The following LMBR1 variants were observed in gnomAD, a reference collection of about 807,000 sequenced individuals.
LMBR1 encodes the protein limb development membrane protein 1.
Under a neutral mutation model 73.9 loss-of-function variants are expected in LMBR1, and 52 were observed. The observed-to-expected ratio is 0.70, with a 90% CI of 0.56 to 0.89. The LOEUF is 0.89. Among genes scored for constraint, LMBR1 ranks in the 40% least tolerant of loss-of-function variants. The pLI is 0.00. For synonymous variants in LMBR1, 215 were observed against 209.4 expected (o/e 1.03, Z -0.23); for missense variants, 539 against 579.8 (o/e 0.93, Z 0.72).
At chr7:156,675,787 G>T (rs79950079), downstream of LMBR1, 16 of 1,613,948 alleles carry the variant, frequency 9.9e-6, no homozygotes, top group Middle Eastern at 4.9e-4. Flanking sequence ...GCCATAAATC[G>T]AAGTGTTCTT....
intron 9 of LMBR1, among the ~76,000 whole-genome samples, chr7:156,739,080 G>T (rs1388037619): frequency 6.6e-6 from 1 of 152,128 alleles, no homozygotes; most frequent in East Asian, 1.9e-4. Context: ...CCTGCCCTGG[G>T]ACAGAGGGGA....
At chr7:156,803,894 C>G (rs1216210647) in intron 4 of LMBR1, among the ~76,000 whole-genome samples, 1 of 147,570 alleles carries the variant, frequency 6.8e-6, no homozygotes, top group South Asian at 2.1e-4. Context: ...ATCGCAAGGA[C>G]AAAAAACCAA....
chr7:156,807,903 C>T (rs1350884239), intron 4 of LMBR1, among the ~76,000 whole-genome samples: 1 of 151,962 alleles, frequency 6.6e-6, no homozygotes, highest in Non-Finnish European at 1.5e-5. Context: ...TATCAATTAC[C>T]AAATACTCAG....
At chr7:156,699,613 C>G (rs1214746170) in intron 15 of LMBR1, among the ~76,000 whole-genome samples, 5 of 152,000 alleles carry the variant, frequency 3.3e-5, no homozygotes, top group South Asian at 2.1e-4. Context: ...TCAGAGTGAA[C>G]AGGCAACCTA....
intron 9 of LMBR1, among the ~76,000 whole-genome samples, chr7:156,756,006 T>C (rs1563286356): frequency 6.6e-6 from 1 of 152,242 alleles, no homozygotes; most frequent in Non-Finnish European, 1.5e-5. Flanking sequence ...ACTACTTAAG[T>C]AAAATTAAAG....
intron 15 of LMBR1, among the ~76,000 whole-genome samples, chr7:156,704,203 A>C (rs941436654): frequency 6.6e-6 from 1 of 152,208 alleles, no homozygotes; most frequent in Non-Finnish European, 1.5e-5. Flanking sequence ...AAGAACAGAC[A>C]TGCTTAGCCC....
At chr7:156,840,828 C>T (rs1194378822) in intron 1 of LMBR1, among the ~76,000 whole-genome samples, 15 of 150,394 alleles carry the variant, frequency 1.0e-4, no homozygotes, top group Non-Finnish European at 2.2e-4. Context: ...AGCCGGGCGT[C>T]GTGGCGGGCG....
chr7:156,787,126 T>G (rs983183151), intron 5 of LMBR1, among the ~76,000 whole-genome samples: 1 of 152,162 alleles, frequency 6.6e-6, no homozygotes, highest in African/African-American at 2.4e-5. Flanking sequence ...GGTGTGCGCA[T>G]GCTTTAAAAT....
At chr7:156,794,848 T>TG in intron 5 of LMBR1, among the ~76,000 whole-genome samples, 1 of 152,258 alleles carries the variant, frequency 6.6e-6, no homozygotes, top group East Asian at 1.9e-4. Context: ...CTGCACTGTG[T>TG]GGGGCATGTA....
chr7:156,733,120 G>A (rs568087919), intron 10 of LMBR1, among the ~76,000 whole-genome samples: 2 of 152,248 alleles, frequency 1.3e-5, no homozygotes, highest in East Asian at 3.9e-4. Context: ...ACTCTAGCCT[G>A]GGCGACAGAG....
chr7:156,684,584 G>A (rs893365651), intron 16 of LMBR1, among the ~76,000 whole-genome samples: 1 of 152,178 alleles, frequency 6.6e-6, no homozygotes, highest in African/African-American at 2.4e-5. Context: ...ACCTCTTCCT[G>A]GCAAGCAGAT....
rs1815622468 is a variant in LMBR1, at chr7:156,725,809, G to A, written c.1022C>T (p.Ser341Phe). The change falls in exon 13 of 17, where the codon TCT becomes TTT. Residue 341 changes from serine (S) to phenylalanine (F), a missense_variant. Physicochemically the swap from Ser to Phe is radical, Grantham distance 155. Transcript: ENST00000353442. ...CGCAGCTCCCACAAAACCAAACGTA[G>A]AAAGAGAGGCATTTCCTATTCCAGG... ...RGPGIGNASL[S>F]TFGFVGAALE... 6.2e-7 allele frequency: 1 copy of A among 1,613,520 alleles called. No homozygotes were observed. The highest frequency in any genetic ancestry group is 2.2e-5 in the East Asian group (1 of 44,860).
At chr7:156,877,788 CAGG>C (rs1420110675) in intron 1 of LMBR1, among the ~76,000 whole-genome samples, 1 of 151,274 alleles carries the variant, frequency 6.6e-6, no homozygotes, top group Non-Finnish European at 1.5e-5. Context: ...GAGGCTGAAG[CAGG>C]AGAATGGCGT....
At chr7:156,882,948 T>C (rs892797680) in intron 1 of LMBR1, among the ~76,000 whole-genome samples, 2 of 152,070 alleles carry the variant, frequency 1.3e-5, no homozygotes, top group Non-Finnish European at 2.9e-5. Context: ...GGAGAATCAC[T>C]TGAACCCGGG....
At chr7:156,701,534 G>T (rs1268527180) in intron 15 of LMBR1, among the ~76,000 whole-genome samples, 1 of 152,186 alleles carries the variant, frequency 6.6e-6, no homozygotes, top group Non-Finnish European at 1.5e-5. Context: ...GTATGAGAAT[G>T]GCCAAAATCC....
At chr7:156,871,686 A>AT (rs1799312736) in intron 1 of LMBR1, among the ~76,000 whole-genome samples, 1 of 152,250 alleles carries the variant, frequency 6.6e-6, no homozygotes, top group South Asian at 2.1e-4. Flanking sequence ...AAATAAAAAG[A>AT]TAACAATCCT....
rs1338809529 is a variant in LMBR1, at chr7:156,733,989, C to CA, written c.838+187dup. On this transcript the variant is annotated intron_variant, in intron 10 of 16. Transcript: ENST00000353442. ...AAGTCATTTTGTATATATATAAAAC[C>CA]AAAAAAAGTGAATAAATGTAAACTT... The CA allele has an allele frequency of 1.9e-5, 8 of 427,012 alleles. No homozygotes were observed. The Admixed American group carries it at 2.8e-4, about 15-fold the overall frequency. The allele number at this position is 427,012 out of a possible 1,614,324, so 26.5% of individuals were successfully genotyped here. A position where few individuals can be genotyped will look rare whatever the true frequency, so the allele number is the denominator to read the frequency against.
intron 4 of LMBR1, among the ~76,000 whole-genome samples, chr7:156,816,693 G>T (rs1429668738): frequency 6.6e-6 from 1 of 152,050 alleles, no homozygotes; most frequent in Non-Finnish European, 1.5e-5. Flanking sequence ...AATACTATGA[G>T]AAGAACATCT....
At chr7:156,846,645 A>G (rs879292724) in intron 1 of LMBR1, among the ~76,000 whole-genome samples, 3 of 152,196 alleles carry the variant, frequency 2.0e-5, no homozygotes, top group Non-Finnish European at 2.9e-5. Context: ...TGCGATTACA[A>G]TTACAATCCC....
Sources: allele counts gnomAD v4.1 joint callset (sites outside exome capture counted in the v4.1 genomes callset), GRCh38; gene constraint gnomAD v4.1.1; transcripts MANE v1.5; gene names NCBI Gene and HGNC (gene_info 2026-07-23, HGNC 2026-07-21).